BRINP1: variants seen among roughly 807,000 people sequenced by gnomAD.
The protein encoded by BRINP1 is BMP/retinoic acid-inducible neural-specific protein 1.
BRINP1 carries 17 observed loss-of-function variants against 72.9 expected under a neutral mutation model. The ratio of observed to expected loss-of-function variants is 0.23; its 90% CI spans 0.16 to 0.35. The LOEUF is 0.35. Among genes scored for constraint, BRINP1 ranks in the 10% least tolerant of loss-of-function variants. The pLI, the probability that BRINP1 is intolerant of heterozygous loss-of-function variation, is 1.00. For missense variants in BRINP1, 850 were observed against 1,001.6 expected (o/e 0.85, Z 2.04); for synonymous variants, 418 against 378.5 (o/e 1.10, Z -1.21).
intron 2 of BRINP1, among the ~76,000 whole-genome samples, chr9:119,312,679 AAAC>A (rs1342930725): frequency 2.0e-5 from 3 of 152,214 alleles, no homozygotes; most frequent in East Asian, 1.9e-4. Context: ...AGCATTCTCA[AAAC>A]AACGTTACTT....
At chr9:119,193,707 C>CA (rs1564213851) in intron 7 of BRINP1, among the ~76,000 whole-genome samples, 1 of 151,978 alleles carries the variant, frequency 6.6e-6, no homozygotes, top group African/African-American at 2.4e-5. Context: ...AAAGTGCTTG[C>CA]AAAAAAATTA....
intron 2 of BRINP1, among the ~76,000 whole-genome samples, chr9:119,278,021 G>A (rs969075446): frequency 3.3e-5 from 5 of 151,876 alleles, no homozygotes; most frequent in South Asian, 2.1e-4. Context: ...TCCATATATC[G>A]AATATTATAT....
intron 7 of BRINP1, among the ~76,000 whole-genome samples, chr9:119,178,611 C>G (rs1829516491): frequency 6.6e-6 from 1 of 152,184 alleles, no homozygotes; most frequent in South Asian, 2.1e-4. Context: ...CAGTGACTTA[C>G]AACTATTGAG....
chr9:119,303,867 CTTTT>C (rs942206224), intron 2 of BRINP1, among the ~76,000 whole-genome samples: 2 of 133,316 alleles, frequency 1.5e-5, no homozygotes, highest in Non-Finnish European at 1.6e-5. Context: ...AAGACTATCT[CTTTT>C]TTTCTTTTTT....
intron 5 of BRINP1, among the ~76,000 whole-genome samples, chr9:119,216,854 C>CCTACCCCAT (rs1564219645): frequency 6.6e-6 from 1 of 152,110 alleles, no homozygotes; most frequent in Admixed American, 6.5e-5. Flanking sequence ...GGCAGTATTA[C>CCTACCCCAT]CTACCCCATT....
chr9:119,336,339 T>C (rs1435421044), intron 1 of BRINP1, among the ~76,000 whole-genome samples: 1 of 152,228 alleles, frequency 6.6e-6, no homozygotes, highest in African/African-American at 2.4e-5. Context: ...CCCTCTCCTG[T>C]TCCTACATAC....
chr9:119,174,715 C>G (rs1297528695), intron 7 of BRINP1, among the ~76,000 whole-genome samples: 2 of 151,492 alleles, frequency 1.3e-5, no homozygotes, highest in Admixed American at 6.6e-5. Flanking sequence ...TTGGAACCAA[C>G]CCAAATATCC....
At chr9:119,325,122 G>A (rs890145121) in intron 1 of BRINP1, among the ~76,000 whole-genome samples, 10 of 151,760 alleles carry the variant, frequency 6.6e-5, no homozygotes, top group Admixed American at 5.3e-4. Flanking sequence ...GAAAGAAAGA[G>A]AGAGAGAGAG....
Position 119,168,122 on chromosome 9 carries a change from G to C in BRINP1, c.1248C>G (p.His416Gln). The C allele has an allele frequency of 6.2e-7, 1 of 1,606,702 alleles. No individual in the cohort carries two copies. The highest frequency in any genetic ancestry group is 8.5e-7 in the Non-Finnish European group (1 of 1,175,280). Residue 416 changes from histidine to glutamine, a missense_variant, in exon 8 of 8, where the codon CAC (histidine) becomes CAG (glutamine). By Grantham distance (24) the His-to-Gln change is conservative (BLOSUM62 0). Coordinates refer to ENST00000265922, the MANE Select transcript of BRINP1 (RefSeq NM_014618.3). Reference protein sequence around the residue: ...FLESQRSCVCHGSTTLCQRPI... With the variant: ...FLESQRSCVCQGSTTLCQRPI... ...GGCGCTGGCACAGCGTGGTGCTGCC[G>C]TGGCACACGCAGCTCCGCTGGCTCT...
In BRINP1 at chr9:119,172,935, T is replaced by G. The variant is rs189940987; in HGVS notation, c.1146-4711A>C. The stretch of plus-strand genomic sequence containing the variant: ...AGCCTTTGACAAAATTCAACCACCC[T>G]TCATGCTAAAAACTCTCAATAAATT... On this transcript the variant is annotated intron_variant, in intron 7 of 7. Transcript: ENST00000265922. 2.9e-3 allele frequency among the ~76,000 whole-genome samples: 442 copies of G among 151,020 alleles called. 21 individuals carry two copies. Among genetic ancestry groups the G allele is most frequent in the African/African-American group, 0.01 (415 of 40,616 alleles).
intron 1 of BRINP1, among the ~76,000 whole-genome samples, chr9:119,351,554 A>C (rs1205145478): frequency 3.9e-5 from 6 of 152,210 alleles, no homozygotes; most frequent in African/African-American, 7.2e-5. Flanking sequence ...CGCTGAGGGA[A>C]AGTTAGGACT....
chr9:119,349,131 T>A (rs1428674670), intron 1 of BRINP1, among the ~76,000 whole-genome samples: 1 of 152,072 alleles, frequency 6.6e-6, no homozygotes, highest in African/African-American at 2.4e-5. Flanking sequence ...AAGGACAGTT[T>A]ATTAGAAAAA....
chr9:119,310,953 A>G (rs1288943659), intron 2 of BRINP1, among the ~76,000 whole-genome samples: 1 of 152,202 alleles, frequency 6.6e-6, no homozygotes, highest in Non-Finnish European at 1.5e-5. Flanking sequence ...GCATATTTGC[A>G]TATGGGTTCA....
chr9:119,242,001 T>C (rs1830254928), intron 4 of BRINP1, 46 bp downstream of exon 4: 17 of 1,582,072 alleles, frequency 1.1e-5, no homozygotes, highest in Admixed American at 1.7e-5. Flanking sequence ...CATTGCAGTG[T>C]TGTTGTATTG....
At chr9:119,172,781 C>T (rs1237504507) in intron 7 of BRINP1, among the ~76,000 whole-genome samples, 1 of 152,068 alleles carries the variant, frequency 6.6e-6, no homozygotes, top group Non-Finnish European at 1.5e-5. Flanking sequence ...AGCTTATCCA[C>T]CACGATCAAG....
At chr9:119,281,562 G>A (rs1034032727) in intron 2 of BRINP1, among the ~76,000 whole-genome samples, 4 of 152,186 alleles carry the variant, frequency 2.6e-5, no homozygotes, top group African/African-American at 7.2e-5. Flanking sequence ...ATGGGCGAGT[G>A]AGAACAAGTC....
intron 1 of BRINP1, among the ~76,000 whole-genome samples, chr9:119,326,899 G>A (rs916402317): frequency 6.6e-6 from 1 of 152,176 alleles, no homozygotes; most frequent in Non-Finnish European, 1.5e-5. Context: ...TCTAGATGAG[G>A]CCTTAGAAGA....
At chr9:119,168,669 C>CA in intron 7 of BRINP1, among the ~76,000 whole-genome samples, 2 of 117,676 alleles carry the variant, frequency 1.7e-5, no homozygotes, top group East Asian at 4.2e-4. Context: ...GTTTCAACCC[C>CA]CATTACAGAT....
intron 1 of BRINP1, among the ~76,000 whole-genome samples, chr9:119,365,787 A>G (rs1392397301): frequency 1.3e-5 from 2 of 152,076 alleles, no homozygotes; most frequent in Admixed American, 1.3e-4. Context: ...CGGGGGCCCA[A>G]GAGCTGATTT....
Sources: gnomAD v4.1 joint callset for allele counts (sites outside exome capture counted in the v4.1 genomes callset) on GRCh38, gnomAD v4.1.1 for gene constraint, MANE v1.5 for transcripts, NCBI Gene and HGNC (gene_info 2026-07-23, HGNC 2026-07-21) for gene names.